GSE1: variants seen among roughly 807,000 people sequenced by gnomAD.
The protein encoded by GSE1 is genetic suppressor element 1.
A neutral mutation model predicts 112.6 loss-of-function variants in GSE1; 32 were observed. The ratio of observed to expected loss-of-function variants is 0.28; its 90% confidence interval spans 0.21 to 0.38. The LOEUF is 0.38. Ranked by LOEUF, GSE1 falls within the 10% of genes least tolerant of loss-of-function variation. The pLI is 1.00. For missense variants in GSE1, 2,348 were observed against 1,699.2 expected (o/e 1.38, Z -6.71); for synonymous variants, 1,115 against 735.6 (o/e 1.52, Z -8.35).
At chr16:85,410,979 GGC>G (rs1463804322) in intron 2 of GSE1, among the ~76,000 whole-genome samples, 15 of 79,802 alleles carry the variant, frequency 1.9e-4, no homozygotes, top group East Asian at 7.6e-4. Context: ...TTACACTCAG[GGC>G]CCCCCGGATA....
At chr16:85,371,779 G>A (rs2047306555) in intron 2 of GSE1, among the ~76,000 whole-genome samples, 1 of 152,194 alleles carries the variant, frequency 6.6e-6, no homozygotes, top group Non-Finnish European at 1.5e-5. Context: ...TGAGGTCACT[G>A]AATCCCACCC....
rs16975808 is a variant in GSE1, at chr16:85,674,071, A to C, written c.*1532A>C. 6.6e-6 allele frequency: 1 copy of C among 152,232 alleles called. No homozygotes were observed. The highest frequency in any genetic ancestry group is 1.5e-5 in the Non-Finnish European group (1 of 68,076). 9.4% of individuals were successfully genotyped at this position (152,232 alleles called of 1,614,324 possible). ...GCCTATGGAGGCAGTGTTTAGATCA[A>C]GAAGGCCTCTCTTGCTCCCAAGGGC... On this transcript the variant is annotated 3_prime_UTR_variant, in exon 16 of 16. Coordinates refer to ENST00000253458, the MANE Select transcript of GSE1 (RefSeq NM_014615.5).
exon 1 of GSE1, chr16:85,556,117 G>A: frequency 4.1e-6 from 4 of 974,838 alleles, no homozygotes; most frequent in Non-Finnish European, 4.9e-6. Context: ...TGGTCGGAGA[G>A]AGAGCCTTTT....
intron 2 of GSE1, among the ~76,000 whole-genome samples, chr16:85,478,927 C>CTTTCTTTTCTT (rs1285190496): frequency 3.2e-4 from 9 of 28,046 alleles, no homozygotes; most frequent in African/African-American, 1.4e-3. Context: ...TTCTTTCTTT[C>CTTTCTTTTCTT]TCTTTCTTTC....
In GSE1 at chr16:85,560,886, TG is replaced by T. The variant is rs575418387; in HGVS notation, c.37+4526del. ...TCTTACACCTGTAGTCCCAGCACTT[TG>T]GGAGGCCGAGGTGGGTGGATCACTT... On this transcript the variant is annotated intron_variant, in intron 1 of 2. Transcript: ENST00000635906. Among the ~76,000 whole-genome samples the T allele has an allele frequency of 1.4e-3, 218 of 152,186 alleles. 1 individual carries two copies. The highest frequency in any genetic ancestry group is 5.1e-3 in the African/African-American group (213 of 41,504).
At chr16:85,660,380 T>A (rs2151953170) in intron 8 of GSE1, among the ~76,000 whole-genome samples, 1 of 152,274 alleles carries the variant, frequency 6.6e-6, no homozygotes, top group East Asian at 2.0e-4. Context: ...CTCACTCCTG[T>A]AATCCCAGCA....
intron 2 of GSE1, among the ~76,000 whole-genome samples, chr16:85,536,939 C>T (rs978573518): frequency 1.3e-5 from 2 of 152,124 alleles, no homozygotes; most frequent in African/African-American, 4.8e-5. Flanking sequence ...GGACACATGC[C>T]CCTGGAGTTT....
At chr16:85,621,603 A>C (rs1431535822) in intron 1 of GSE1, among the ~76,000 whole-genome samples, 1 of 152,166 alleles carries the variant, frequency 6.6e-6, no homozygotes, top group Admixed American at 6.5e-5. Context: ...ATTTTAACTA[A>C]GCAGCTGGTT....
intron 1 of GSE1, among the ~76,000 whole-genome samples, chr16:85,603,992 C>T (rs1436965755): frequency 6.6e-6 from 1 of 152,118 alleles, no homozygotes; most frequent in Non-Finnish European, 1.5e-5. Context: ...CATGGTTCTG[C>T]AGGCCCTGCA....
chr16:85,268,771 C>T (rs1908522104), intron 1 of GSE1, among the ~76,000 whole-genome samples: 1 of 152,184 alleles, frequency 6.6e-6, no homozygotes, highest in African/African-American at 2.4e-5. Context: ...CATTGGTTCC[C>T]TCTGTGCCCA....
upstream of GSE1, chr16:85,555,278 T>A (rs2045143925): frequency 2.6e-5 from 26 of 984,958 alleles, no homozygotes; most frequent in Non-Finnish European, 3.1e-5. Context: ...CTCCCCGCTC[T>A]CCTCCTGCCT....
intron 1 of GSE1, among the ~76,000 whole-genome samples, chr16:85,217,852 C>A (rs2075329918): frequency 6.6e-6 from 1 of 152,124 alleles, no homozygotes; most frequent in African/African-American, 2.4e-5. Context: ...TCCCTGTCCC[C>A]AGTCAGAAGT....
intron 2 of GSE1, among the ~76,000 whole-genome samples, chr16:85,427,827 G>A (rs140624619): frequency 0.021 from 3,145 of 152,220 alleles, 96 homozygotes; most frequent in African/African-American, 0.072. Flanking sequence ...GCAAGACTCC[G>A]TCTCAAAAAT....
chr16:85,303,903 C>T (rs1365599891), intron 1 of GSE1, among the ~76,000 whole-genome samples: 2 of 152,224 alleles, frequency 1.3e-5, no homozygotes, highest in Admixed American at 1.3e-4. Context: ...CCGGGGACGC[C>T]CCGGCCATTG....
intron 2 of GSE1, among the ~76,000 whole-genome samples, chr16:85,634,958 G>T (rs376811495): frequency 1.7e-4 from 26 of 152,228 alleles, no homozygotes; most frequent in Admixed American, 3.3e-4. Context: ...CAGGCGGGGG[G>T]GCTGAGGAAA....
intron 1 of GSE1, among the ~76,000 whole-genome samples, chr16:85,304,982 C>G (rs2045637552): frequency 6.6e-6 from 1 of 152,236 alleles, no homozygotes; most frequent in South Asian, 2.1e-4. Context: ...CCACACCCTT[C>G]TCAGGCCCGC....
chr16:85,427,194 T>TA (rs1351819233), intron 2 of GSE1, among the ~76,000 whole-genome samples: 2 of 152,140 alleles, frequency 1.3e-5, no homozygotes, highest in Non-Finnish European at 2.9e-5. Flanking sequence ...CTTGGAGAAG[T>TA]ATCTCCCAGA....
intron 1 of GSE1, among the ~76,000 whole-genome samples, chr16:85,268,108 C>T (rs1333950764): frequency 6.6e-6 from 1 of 152,108 alleles, no homozygotes; most frequent in Non-Finnish European, 1.5e-5. Flanking sequence ...GAGCGGTCTG[C>T]TGTGATGCCT....
At chr16:85,329,558 C>T (rs1299311075) in intron 1 of GSE1, among the ~76,000 whole-genome samples, 1 of 151,920 alleles carries the variant, frequency 6.6e-6, no homozygotes, top group Non-Finnish European at 1.5e-5. Flanking sequence ...CTGTGGGAGC[C>T]GCTCAGAGGC....
Sources: gnomAD v4.1 joint callset for allele counts (sites outside exome capture counted in the v4.1 genomes callset) on GRCh38, gnomAD v4.1.1 for gene constraint, MANE v1.5 for transcripts, NCBI Gene and HGNC (gene_info 2026-07-23, HGNC 2026-07-21) for gene names.